The following UNC13B variants were observed in gnomAD, a reference collection of about 807,000 sequenced individuals.
UNC13B encodes the protein protein unc-13 homolog B.
UNC13B carries 144 observed loss-of-function variants against 211.0 expected under a neutral mutation model. The ratio of observed to expected loss-of-function variants is 0.68; its 90% CI spans 0.60 to 0.78. UNC13B has a LOEUF of 0.78. Among genes scored for constraint, UNC13B ranks in the 30% least tolerant of loss-of-function variants. UNC13B has a pLI of 0.00. For synonymous variants in UNC13B, 709 were observed against 725.8 expected (o/e 0.98, Z 0.37); for missense variants, 1,777 against 2,002.0 (o/e 0.89, Z 2.14).
At chr9:35,177,592 A>T (rs1587298582) in intron 1 of UNC13B, among the ~76,000 whole-genome samples, 1 of 152,364 alleles carries the variant, frequency 6.6e-6, no homozygotes, top group East Asian at 1.9e-4. Flanking sequence ...TTTTACTCTC[A>T]GTCCTTTTTA....
At chr9:35,384,143 G>C in intron 21 of UNC13B, 103 bp from the exon 22 acceptor site, 1 of 1,541,344 alleles carries the variant, frequency 6.5e-7, no homozygotes. Flanking sequence ...AATGCCTCCC[G>C]ACTCTTTCTA....
At chr9:35,389,190 G>A (rs1320181258) in intron 24 of UNC13B, among the ~76,000 whole-genome samples, 1 of 152,046 alleles carries the variant, frequency 6.6e-6, no homozygotes, top group Non-Finnish European at 1.5e-5. Flanking sequence ...TGTGAATATA[G>A]AGTGATTTCT....
chr9:35,292,635 G>T (rs1829154742), intron 7 of UNC13B, among the ~76,000 whole-genome samples: 1 of 152,194 alleles, frequency 6.6e-6, no homozygotes. Context: ...CAATATTTGT[G>T]TCTATATATT....
At chr9:35,282,551 C>T (rs1828560191) in intron 7 of UNC13B, among the ~76,000 whole-genome samples, 1 of 152,116 alleles carries the variant, frequency 6.6e-6, no homozygotes, top group African/African-American at 2.4e-5. Flanking sequence ...CCTGCTTTAG[C>T]CTCCTGAGTA....
chr9:35,352,711 A>G, intron 11 of UNC13B: 1 of 1,232,172 alleles, frequency 8.1e-7, no homozygotes, highest in Non-Finnish European at 1.0e-6. Context: ...GGGATGAAAT[A>G]AAAGGAGCAT....
chr9:35,343,996 T>C (rs1190501092), intron 11 of UNC13B, among the ~76,000 whole-genome samples: 1 of 152,242 alleles, frequency 6.6e-6, no homozygotes, highest in East Asian at 1.9e-4. Flanking sequence ...CTTTTTTATG[T>C]GGCGATTAGA....
In UNC13B at chr9:35,300,501, C is replaced by T. The variant is rs1331062471; in HGVS notation, c.1097C>T (p.Ser366Leu). 2 of 398,978 alleles carry T rather than the reference C, an allele frequency of 5.0e-6. No individual in the cohort carries two copies. The highest frequency in any genetic ancestry group is 2.1e-5 in the African/African-American group (1 of 48,728). 24.7% of individuals were successfully genotyped at this position (398,978 alleles called of 1,614,324 possible). Residue 366 changes from serine (S) to leucine (L), a missense_variant, in exon 9 of 40, where the codon TCA (serine) becomes TTA (leucine). Coordinates refer to ENST00000635942, the MANE Select transcript of UNC13B (RefSeq NM_001371189.2). ...AACCAGCATGTCACTAATTTTACCT[C>T]ATTAGATATTCTTGAAGATTCTACT... is the stretch of plus-strand genomic sequence containing the variant. ...GSNQHVTNFT[S>L]LDILEDSTSS...
At position 35,351,902 on chromosome 9, in the gene UNC13B, G is replaced by T. The variant is rs1347142600; in HGVS notation, c.9415-15045G>T. On this transcript the variant is annotated intron_variant, in intron 11 of 39. Coordinates refer to ENST00000635942, the MANE Select transcript of UNC13B (RefSeq NM_001371189.2). ...CCAAACCAAGACCCTTTTGTCCAGA[G>T]GCCATGGCCAAGGCTGTAGCCGTGA... The T allele has an allele frequency of 1.4e-4, 178 of 1,232,150 alleles. 2 individuals carry two copies. Among genetic ancestry groups the T allele is most frequent in the Non-Finnish European group, 1.3e-5 (13 of 988,040 alleles). 76.3% of individuals were successfully genotyped at this position (1,232,150 alleles called of 1,614,324 possible). A position where few individuals can be genotyped will look rare whatever the true frequency, so the allele number is the denominator to read the frequency against.
At position 35,303,042 on chromosome 9, in the gene UNC13B, G is replaced by A. The variant is rs1464249874; in HGVS notation, c.3638G>A (p.Ser1213Asn). The A allele has an allele frequency of 2.5e-6, 1 of 398,622 alleles. No individual in the cohort carries two copies. The highest frequency in any genetic ancestry group is 4.4e-6 in the Non-Finnish European group (1 of 225,792). 24.7% of individuals were successfully genotyped at this position (398,622 alleles called of 1,614,324 possible). The change falls in exon 9 of 40, where the codon AGT becomes AAT. Residue 1213 changes from serine (S) to asparagine (N), a missense_variant. Ser to Asn is a conservative substitution (Grantham distance 46, BLOSUM62 1). Transcript: ENST00000635942. ...TTCATGTCTTTAGGCAACATGAAGA[G>A]TTTGAATGGAGATAACCATTTATCC... ...AKFMSLGNMK[S>N]LNGDNHLSLD...
chr9:35,296,022 G>A (rs1008150122), intron 8 of UNC13B, 92 bp downstream of exon 8: 18 of 1,207,208 alleles, frequency 1.5e-5, no homozygotes, highest in Non-Finnish European at 2.1e-5. Context: ...AACCTGAAGA[G>A]GTAGCGTAAG....
chr9:35,239,854 T>C (rs928490867), intron 5 of UNC13B, among the ~76,000 whole-genome samples: 1 of 152,224 alleles, frequency 6.6e-6, no homozygotes, highest in African/African-American at 2.4e-5. Flanking sequence ...GCAGCCAGAC[T>C]TCAAGGTTAT....
At chr9:35,292,997 G>A (rs1043322365) in intron 7 of UNC13B, among the ~76,000 whole-genome samples, 5 of 152,188 alleles carry the variant, frequency 3.3e-5, no homozygotes, top group African/African-American at 7.2e-5. Context: ...ATATTTTCCT[G>A]AATTTCCCTT....
intron 1 of UNC13B, among the ~76,000 whole-genome samples, chr9:35,204,175 A>G (rs1032323809): frequency 1.3e-5 from 2 of 152,224 alleles, no homozygotes; most frequent in Non-Finnish European, 2.9e-5. Context: ...CTTGGTGTTA[A>G]GCCTGTGGAT....
At chr9:35,360,610 C>T (rs1210860560) in intron 11 of UNC13B, 1 of 152,222 alleles carries the variant, frequency 6.6e-6, no homozygotes, top group African/African-American at 2.4e-5. Context: ...TGATTGAGAA[C>T]AGTGCCTAGT....
chr9:35,396,711 A>G, intron 27 of UNC13B, 109 bp downstream of exon 27: 1 of 1,593,404 alleles, frequency 6.3e-7, no homozygotes, highest in East Asian at 2.2e-5. Flanking sequence ...CTGTTCAGGT[A>G]CCACCGTAGA....
chr9:35,363,168 G>A (rs1256514261), intron 11 of UNC13B, among the ~76,000 whole-genome samples: 1 of 152,168 alleles, frequency 6.6e-6, no homozygotes, highest in Non-Finnish European at 1.5e-5. Context: ...GGAATTTGGG[G>A]ATTTGGGCCA....
Position 35,405,145 on chromosome 9 carries a change from G to T in UNC13B, c.*1112G>T, listed in dbSNP as rs1029810529. 5.9e-5 allele frequency: 9 copies of T among 152,650 alleles called. No homozygotes were observed. In the South Asian group the frequency reaches 1.9e-3, roughly 32 times the overall value. 9.5% of individuals were successfully genotyped at this position (152,650 alleles called of 1,614,324 possible). Reference sequence around the variant, plus strand: ...TCAGATGGACTTCCCAAGACTTGTTGAGAGATGTGACATGGTTCTTGGATT... The same window carrying T: ...TCAGATGGACTTCCCAAGACTTGTTTAGAGATGTGACATGGTTCTTGGATT... On this transcript the variant is annotated 3_prime_UTR_variant, in exon 40 of 40. Coordinates refer to ENST00000635942, the MANE Select transcript of UNC13B (RefSeq NM_001371189.2).
intron 24 of UNC13B, among the ~76,000 whole-genome samples, chr9:35,387,636 C>T (rs1835270893): frequency 6.6e-6 from 1 of 152,194 alleles, no homozygotes; most frequent in Middle Eastern, 3.2e-3. Flanking sequence ...TTTTTACTTT[C>T]TCTCAATTTC....
chr9:35,324,700 T>C (rs752106381), intron 11 of UNC13B, among the ~76,000 whole-genome samples: 23 of 152,246 alleles, frequency 1.5e-4, no homozygotes, highest in Non-Finnish European at 2.6e-4. Flanking sequence ...CTCTCCTCTT[T>C]GATCTGTCTT....
Sources: allele counts gnomAD v4.1 joint callset (sites outside exome capture counted in the v4.1 genomes callset), GRCh38; gene constraint gnomAD v4.1.1; transcripts MANE v1.5; gene names NCBI Gene and HGNC (gene_info 2026-07-23, HGNC 2026-07-21).